Variants in ATP7B observed in about 807,000 individuals in gnomAD.
ATP7B encodes ATPase copper transporting beta, also known as copper-transporting ATPase 2.
In ATP7B, 113 loss-of-function variants were observed where a neutral mutation model predicts 118.9. The observed-to-expected ratio is 0.95, with a 90% CI of 0.82 to 1.11. The LOEUF (loss-of-function observed/expected upper bound fraction) is 1.11, where lower values mean the gene tolerates loss of function less well. Ranked by LOEUF, ATP7B falls within the 50% of genes most tolerant of loss-of-function variation. The pLI is 0.00. For missense variants in ATP7B, 1,867 were observed against 1,871.4 expected (o/e 1.00, Z 0.04); for synonymous variants, 777 against 727.4 (o/e 1.07, Z -1.10).
intron 1 of ATP7B, among the ~76,000 whole-genome samples, chr13:51,975,820 G>A (rs1312307995): frequency 6.6e-6 from 1 of 152,224 alleles, no homozygotes; most frequent in Non-Finnish European, 1.5e-5. Context: ...CTCCCTGGGC[G>A]AGGTTTAATG....
rs561017302 is a variant in ATP7B at position 51,974,029 on chromosome 13, C to A, written c.1191G>T (p.Gly397=). The change falls in exon 2 of 21, where the codon GGG becomes GGT. Residue 397 remains glycine (G), a synonymous_variant. Transcript: ENST00000242839. The part of the protein sequence containing the change: ...VQQISVSLAE[G]TATVLYNPSV... ...AGGGATTATAAAGAACTGTTGCAGT[C>A]CCTTCGGCCAAAGACACCGATATTT... 38 of 1,614,270 alleles carry A rather than the reference C, an allele frequency of 2.4e-5. 1 individual carries two copies. The South Asian group carries it at 4.1e-4, about 17-fold the overall frequency.
At chr13:52,009,973 C>A (rs1953945550) in intron 1 of ATP7B, among the ~76,000 whole-genome samples, 1 of 152,128 alleles carries the variant, frequency 6.6e-6, no homozygotes, top group Admixed American at 6.5e-5. Context: ...AGCTCAATAA[C>A]GCTGGTCAAC....
intron 5 of ATP7B, among the ~76,000 whole-genome samples, chr13:51,962,706 G>C (rs1421608425): frequency 6.6e-6 from 1 of 152,192 alleles, no homozygotes; most frequent in African/African-American, 2.4e-5. Flanking sequence ...ATGGAGGACA[G>C]ACATTAGCAA....
At chr13:51,957,254 T>C (rs1302488081) in intron 9 of ATP7B, among the ~76,000 whole-genome samples, 6 of 152,216 alleles carry the variant, frequency 3.9e-5, no homozygotes, top group East Asian at 1.9e-4. Flanking sequence ...TGACCAACAC[T>C]GGCCTTCCTC....
Position 51,934,716 on chromosome 13 carries a change from T to C in ATP7B, c.*40A>G, listed in dbSNP as rs762625980. The C allele has an allele frequency of 2.5e-6, 4 of 1,609,508 alleles. No individual in the cohort carries two copies. The highest frequency in any genetic ancestry group is 2.0e-4 in the Middle Eastern group (1 of 4,918). ...GCTGTCCTGCTCAGCTTGTGGTGAG[T>C]GGAGGCAAGTCCCTGCCCCGGCCCG... On this transcript the variant is annotated 3_prime_UTR_variant, in exon 21 of 21. Coordinates refer to ENST00000242839, the MANE Select transcript of ATP7B (RefSeq NM_000053.4).
rs1408974066 is a variant in ATP7B at position 51,968,495 on chromosome 13, C to T, written c.1656G>A (p.Glu552=). 2.5e-6 allele frequency: 4 copies of T among 1,614,190 alleles called. No individual in the cohort carries two copies. The highest frequency in any genetic ancestry group is 1.1e-5 in the South Asian group (1 of 91,082). ...CTGCGTAGTCCTCCATGACTGCTGC[C>T]TCAAAACCCAGGTCCTGGATGAACT... ...IAQFIQDLGF[E]AAVMEDYAGS... The change falls in exon 4 of 21, where the codon GAG becomes GAA. Residue 552 remains glutamate (E), a synonymous_variant. Transcript: ENST00000242839.
rs114771537 is a variant in ATP7B, at chr13:51,937,488, G to A, written c.3891C>T (p.Val1297=). The A allele has an allele frequency of 1.9e-3, 3,071 of 1,614,064 alleles. 52 individuals are homozygous for A. In the African/African-American group the frequency reaches 0.035, roughly 19 times the overall value. Residue 1297 remains valine (V), a synonymous_variant, in exon 18 of 21, where the codon GTC becomes GTT. Coordinates refer to ENST00000242839, the MANE Select transcript of ATP7B (RefSeq NM_000053.4). The part of the protein sequence containing the change: ...GTDVAIEAAD[V]VLIRNDLLDV... ...CAGCCACGCTCACTCTGATAAGGAC[G>A]ACGTCGGCTGCCTCGATGGCCACAT...
At chr13:51,956,386 T>C (rs4943048) in intron 9 of ATP7B, among the ~76,000 whole-genome samples, 79,212 of 152,072 alleles carry the variant, frequency 0.52, 21,329 homozygotes, top group Middle Eastern at 0.63. Flanking sequence ...GTGTGATACA[T>C]GGACAAGGGC....
chr13:51,943,670 T>A (rs752802803), intron 14 of ATP7B, among the ~76,000 whole-genome samples: 11 of 152,178 alleles, frequency 7.2e-5, no homozygotes, highest in Non-Finnish European at 1.5e-4. Flanking sequence ...GCACTCTGGC[T>A]CACCTCTGCT....
chr13:52,009,851 T>C (rs1953940175), intron 1 of ATP7B, among the ~76,000 whole-genome samples: 1 of 152,208 alleles, frequency 6.6e-6, no homozygotes, highest in South Asian at 2.1e-4. Flanking sequence ...ATTTGTTGAA[T>C]AAATGTTGAT....
chr13:51,968,553 T>C lies in ATP7B; in HGVS notation c.1598A>G (p.Asp533Gly). 6.2e-7 allele frequency: 1 copy of C among 1,614,070 alleles called. No individual in the cohort carries two copies. ...CTCGAGGGGCTGGATGACCTCTGGG[T>C]CATACTTGATCTCTGCCTTTCCTGC... ...LMAGKAEIKY[D>G]PEVIQPLEIA... The change falls in exon 4 of 21, where the codon GAC (aspartate) becomes GGC (glycine). Residue 533 changes from aspartate to glycine, a missense_variant. By Grantham distance (94) the Asp-to-Gly change is moderately conservative. Transcript: ENST00000242839.
Position 51,941,106 on chromosome 13 carries a change from C to G in ATP7B, c.3531G>C (p.Gln1177His). The change falls in exon 16 of 21, where the codon CAG (glutamine) becomes CAC (histidine). Residue 1177 changes from glutamine (Q) to histidine (H), a missense_variant. Physicochemically the swap from Gln to His is conservative, Grantham distance 24. Transcript: ENST00000242839. ...DAMTDHEMKGQTAILVAIDGV... is the reference protein window; with the variant it reads ...DAMTDHEMKGHTAILVAIDGV... Reference sequence around the variant, plus strand: ...CGTCAATAGCCACCAGGATGGCTGTCTGTCCTTTCATCTCGTGGTCTGTCA... The same window carrying G: ...CGTCAATAGCCACCAGGATGGCTGTGTGTCCTTTCATCTCGTGGTCTGTCA... 1 of 1,614,210 alleles carries G rather than the reference C, an allele frequency of 6.2e-7. No individual in the cohort carries two copies.
rs1180728227 is a variant in ATP7B, at chr13:51,990,321, T to C, written c.52-15153A>G. The stretch of plus-strand genomic sequence containing the variant: ...ATATACAATTACATATTAATGTTCA[T>C]TGCTACATTCAAATAGTGAAAAACT... On this transcript the variant is annotated intron_variant, in intron 1 of 20. Transcript: ENST00000242839. 2.0e-5 allele frequency among the ~76,000 whole-genome samples: 3 copies of C among 152,286 alleles called. No individual in the cohort carries two copies. In the East Asian group the frequency reaches 5.8e-4, roughly 29 times the overall value.
At chr13:51,982,433 T>G (rs1350973887) in intron 1 of ATP7B, among the ~76,000 whole-genome samples, 1 of 152,194 alleles carries the variant, frequency 6.6e-6, no homozygotes, top group Non-Finnish European at 1.5e-5. Context: ...GGCACATGTA[T>G]GCTTTTAATT....
intron 1 of ATP7B, among the ~76,000 whole-genome samples, chr13:51,995,877 T>G (rs1318603508): frequency 6.6e-6 from 1 of 152,180 alleles, no homozygotes; most frequent in Non-Finnish European, 1.5e-5. Flanking sequence ...CCTCACCCAG[T>G]GCACACTGGA....
rs759109027 is a variant in ATP7B at position 51,942,473 on chromosome 13, C to T, written c.3325G>A (p.Val1109Met). 2.1e-5 allele frequency: 34 copies of T among 1,614,094 alleles called. No individual in the cohort carries two copies. The highest frequency in any genetic ancestry group is 1.3e-4 in the East Asian group (6 of 44,896). The change falls in exon 15 of 21, where the codon GTG (valine) becomes ATG (methionine). Residue 1109 changes from valine to methionine, a missense_variant. Transcript: ENST00000242839. ...GCGIGCKVSN[V>M]EGILAHSERP... Reference sequence around the variant, plus strand: ...TCACTGTGGGCCAGGATGCCTTCCACGTTGCTGACTTTGCACCCAATTCCA... The same window carrying T: ...TCACTGTGGGCCAGGATGCCTTCCATGTTGCTGACTTTGCACCCAATTCCA...
rs7325983 is a variant in ATP7B, at chr13:51,946,491, C to G, written c.2866-13G>C. ...GCTTGTTGGGGTTCTGAAAACAGGA[C>G]AGAGTCAGAGGCAGGTTGAGAGTTC... On this transcript the variant is annotated splice_polypyrimidine_tract_variant and intron_variant, in intron 12 of 20. Coordinates refer to ENST00000242839, the MANE Select transcript of ATP7B (RefSeq NM_000053.4). 92,653 of 1,613,784 alleles carry G rather than the reference C, an allele frequency of 0.057. 4,139 individuals carry two copies. The highest frequency in any genetic ancestry group is 0.24 in the African/African-American group (17,669 of 74,992).
rs1951677107 is a variant in ATP7B at position 51,968,442 on chromosome 13, A to G, written c.1707+2T>C. The G allele has an allele frequency of 6.2e-7, 1 of 1,614,112 alleles. No homozygotes were observed. Among genetic ancestry groups the G allele is most frequent in the African/African-American group, 1.3e-5 (1 of 74,936 alleles). ...ACCCCGTAACGCACCCACAGTACTT[A>G]CTGTCAGCTCAATGTTGCCATCGGA... On this transcript the variant is annotated splice_donor_variant, in intron 4 of 20. Coordinates refer to ENST00000242839, the MANE Select transcript of ATP7B (RefSeq NM_000053.4). LOFTEE classifies it high-confidence loss of function.
intron 3 of ATP7B, among the ~76,000 whole-genome samples, chr13:51,969,093 T>C (rs1383956795): frequency 6.6e-6 from 1 of 151,420 alleles, no homozygotes; most frequent in Non-Finnish European, 1.5e-5. Flanking sequence ...ACTCCTGACC[T>C]TGTGATCCGC....
Sources: gnomAD v4.1 joint callset for allele counts (sites outside exome capture counted in the v4.1 genomes callset) on GRCh38, gnomAD v4.1.1 for gene constraint, MANE v1.5 for transcripts, NCBI Gene and HGNC (gene_info 2026-07-23, HGNC 2026-07-21) for gene names.